Variants in PPP1R1C observed in about 807,000 individuals in gnomAD.
PPP1R1C encodes the protein protein phosphatase 1 regulatory subunit 1C.
A neutral mutation model predicts 17.4 loss-of-function variants in PPP1R1C; 15 were observed. The ratio of observed to expected loss-of-function variants is 0.86; its 90% CI spans 0.58 to 1.33. PPP1R1C has a LOEUF of 1.33. Ranked by LOEUF, PPP1R1C falls within the 40% of genes most tolerant of loss-of-function variation. PPP1R1C has a pLI of 0.00. For synonymous variants in PPP1R1C, 35 were observed against 43.1 expected (o/e 0.81, Z 0.73); for missense variants, 143 against 130.0 (o/e 1.10, Z -0.48).
chr2:181,956,609 C>G (rs549988617), intron 1 of PPP1R1C, among the ~76,000 whole-genome samples: 1 of 152,330 alleles, frequency 6.6e-6, no homozygotes, highest in South Asian at 2.1e-4. Context: ...GAGATGGTAT[C>G]TCCTTGTGGT....
chr2:182,036,514 G>T lies in PPP1R1C; in HGVS notation c.143-24928G>T, dbSNP rs939412182. Reference sequence around the variant, plus strand: ...CACAGGTATACTAATACTTAATTCTGCTTTTCTGCATAAACATAATTTTTA... The same window carrying T: ...CACAGGTATACTAATACTTAATTCTTCTTTTCTGCATAAACATAATTTTTA... On this transcript the variant is annotated intron_variant, in intron 2 of 4. Transcript: ENST00000682840. 4.6e-5 allele frequency among the ~76,000 whole-genome samples: 7 copies of T among 152,162 alleles called. 1 individual carries two copies. The highest frequency in any genetic ancestry group is 3.3e-4 in the Admixed American group (5 of 15,282).
intron 2 of PPP1R1C, among the ~76,000 whole-genome samples, chr2:182,008,088 TA>T (rs748126131): frequency 1.6e-5 from 2 of 128,486 alleles, no homozygotes; most frequent in Admixed American, 1.4e-4. Context: ...AACAAATAAA[TA>T]AAAAAATAAA....
chr2:182,006,422 A>G (rs1276476724), intron 2 of PPP1R1C, among the ~76,000 whole-genome samples: 1 of 152,226 alleles, frequency 6.6e-6, no homozygotes, highest in African/African-American at 2.4e-5. Flanking sequence ...CATATATGAT[A>G]TACAGCATTG....
chr2:182,057,527 T>C (rs980975342), intron 2 of PPP1R1C, among the ~76,000 whole-genome samples: 9 of 152,164 alleles, frequency 5.9e-5, no homozygotes, highest in Non-Finnish European at 1.3e-4. Context: ...GGTATTTTAT[T>C]TTATGCTTTG....
chr2:182,035,542 G>C (rs1686977970), intron 2 of PPP1R1C, among the ~76,000 whole-genome samples: 1 of 152,080 alleles, frequency 6.6e-6, no homozygotes, highest in South Asian at 2.1e-4. Context: ...AGGCCTGGTG[G>C]GAGGTGATTG....
chr2:182,116,728 C>A (rs190965624), intron 4 of PPP1R1C, among the ~76,000 whole-genome samples: 12 of 152,258 alleles, frequency 7.9e-5, no homozygotes, highest in Non-Finnish European at 1.6e-4. Flanking sequence ...GTTCCATAAT[C>A]ACTTTGGTAT....
intron 2 of PPP1R1C, among the ~76,000 whole-genome samples, chr2:181,979,416 AT>A (rs1685154218): frequency 6.6e-6 from 1 of 152,076 alleles, no homozygotes; most frequent in Non-Finnish European, 1.5e-5. Context: ...GTAGATTTTT[AT>A]ACATCCTCAG....
intron 2 of PPP1R1C, among the ~76,000 whole-genome samples, chr2:182,000,863 A>C (rs1447057322): frequency 6.6e-6 from 1 of 152,152 alleles, no homozygotes; most frequent in African/African-American, 2.4e-5. Flanking sequence ...GAATTAATAA[A>C]ATTTAATGTG....
downstream of PPP1R1C, among the ~76,000 whole-genome samples, chr2:182,119,533 G>C (rs1689678885): frequency 6.6e-6 from 1 of 152,174 alleles, no homozygotes; most frequent in Non-Finnish European, 1.5e-5. Flanking sequence ...CAGTGTAAAA[G>C]TGTTCCTATT....
intron 2 of PPP1R1C, among the ~76,000 whole-genome samples, chr2:182,031,240 T>C (rs1021334695): frequency 6.6e-6 from 1 of 152,208 alleles, no homozygotes; most frequent in African/African-American, 2.4e-5. Flanking sequence ...CTCCTCCCCC[T>C]ATATTCTTCT....
chr2:182,021,309 TTC>T (rs1239687755), intron 2 of PPP1R1C, among the ~76,000 whole-genome samples: 1 of 83,240 alleles, frequency 1.2e-5, no homozygotes, highest in African/African-American at 3.8e-5. Context: ...TGGTTATTCT[TTC>T]TCTCTCTCTC....
intron 2 of PPP1R1C, among the ~76,000 whole-genome samples, chr2:182,034,960 G>A (rs1686958074): frequency 6.6e-6 from 1 of 152,188 alleles, no homozygotes; most frequent in Non-Finnish European, 1.5e-5. Flanking sequence ...GCACTACATT[G>A]TGATTATTTT....
chr2:182,046,111 TC>T (rs1449643800), intron 2 of PPP1R1C, among the ~76,000 whole-genome samples: 12 of 23,838 alleles, frequency 5.0e-4, no homozygotes, highest in Non-Finnish European at 1.9e-3. Flanking sequence ...CTTCCTTCCT[TC>T]CTTCCTTCCT....
intron 2 of PPP1R1C, among the ~76,000 whole-genome samples, chr2:182,006,308 A>G (rs1298520279): frequency 6.6e-6 from 1 of 152,216 alleles, no homozygotes; most frequent in Non-Finnish European, 1.5e-5. Flanking sequence ...GATCTTCACT[A>G]GAACCTTTGA....
intron 2 of PPP1R1C, among the ~76,000 whole-genome samples, chr2:182,021,287 C>T (rs1267333715): frequency 1.3e-5 from 2 of 148,892 alleles, no homozygotes; most frequent in Non-Finnish European, 3.0e-5. Flanking sequence ...TGGCCCAAGC[C>T]ATCAAATTTT....
intron 2 of PPP1R1C, among the ~76,000 whole-genome samples, chr2:182,012,701 C>T (rs559406192): frequency 6.6e-6 from 1 of 152,056 alleles, no homozygotes; most frequent in East Asian, 1.9e-4. Context: ...GTCTTCCTTT[C>T]AATGAAGGTG....
intron 2 of PPP1R1C, among the ~76,000 whole-genome samples, chr2:182,022,252 A>G (rs1284453037): frequency 1.3e-5 from 2 of 152,232 alleles, no homozygotes; most frequent in Non-Finnish European, 1.5e-5. Context: ...TTTCAATTAA[A>G]TTAAAAAATA....
intron 2 of PPP1R1C, among the ~76,000 whole-genome samples, chr2:182,023,236 A>G (rs1456145656): frequency 6.6e-6 from 1 of 152,218 alleles, no homozygotes; most frequent in Non-Finnish European, 1.5e-5. Flanking sequence ...CACAGCTAAA[A>G]ATTCAGATGA....
intron 2 of PPP1R1C, among the ~76,000 whole-genome samples, chr2:181,980,384 C>T (rs1351643243): frequency 6.6e-6 from 1 of 152,152 alleles, no homozygotes; most frequent in Non-Finnish European, 1.5e-5. Context: ...TCCAAGTCTT[C>T]CTCACGTTAT....
Sources: gnomAD v4.1 joint callset for allele counts (sites outside exome capture counted in the v4.1 genomes callset) on GRCh38, gnomAD v4.1.1 for gene constraint, MANE v1.5 for transcripts, NCBI Gene and HGNC (gene_info 2026-07-23, HGNC 2026-07-21) for gene names.